Variants in WRN observed in about 807,000 individuals in gnomAD.
WRN encodes bifunctional 3'-5' exonuclease/ATP-dependent helicase WRN.
Under a neutral mutation model 180.7 loss-of-function variants are expected in WRN, and 149 were observed. That is an observed-to-expected ratio of 0.82 (90% CI 0.72 to 0.94). The LOEUF is 0.94. Among genes scored for constraint, WRN ranks in the 40% least tolerant of loss-of-function variants. WRN has a pLI of 0.00. For synonymous variants in WRN, 548 were observed against 568.9 expected (o/e 0.96, Z 0.52); for missense variants, 1,661 against 1,700.1 (o/e 0.98, Z 0.40).
intron 34 of WRN, among the ~76,000 whole-genome samples, chr8:31,168,744 A>G (rs1012825499): frequency 1.3e-5 from 2 of 152,150 alleles, no homozygotes; most frequent in Non-Finnish European, 2.9e-5. Context: ...ATATGTTAAC[A>G]TTCATCTTCT....
chr8:31,117,599 A>T (rs979007921), intron 20 of WRN, among the ~76,000 whole-genome samples: 1 of 152,124 alleles, frequency 6.6e-6, no homozygotes, highest in Non-Finnish European at 1.5e-5. Flanking sequence ...CACTGTAACT[A>T]TAAGTCCGAG....
intron 15 of WRN, among the ~76,000 whole-genome samples, chr8:31,091,566 T>C (rs1205068811): frequency 2.0e-5 from 3 of 152,046 alleles, no homozygotes; most frequent in Admixed American, 6.6e-5. Context: ...TTAGAAGGAA[T>C]AGGTTCTAGC....
intron 32 of WRN, among the ~76,000 whole-genome samples, chr8:31,155,987 A>G (rs1035781272): frequency 3.9e-5 from 6 of 152,240 alleles, no homozygotes; most frequent in African/African-American, 1.4e-4. Flanking sequence ...AGTTCCTTAC[A>G]AAGGCCATTG....
At chr8:31,117,467 A>C (rs2130310187) in intron 20 of WRN, among the ~76,000 whole-genome samples, 1 of 152,270 alleles carries the variant, frequency 6.6e-6, no homozygotes, top group East Asian at 1.9e-4. Context: ...TCTACAGTTG[A>C]GATTCCTGAC....
rs997643253 is a variant in WRN, at chr8:31,134,787, T to C, written c.2967+2281T>C. 2.6e-4 allele frequency among the ~76,000 whole-genome samples: 39 copies of C among 152,230 alleles called. 1 individual carries two copies. Among genetic ancestry groups the C allele is most frequent in the Non-Finnish European group, 7.3e-5 (5 of 68,042 alleles). On this transcript the variant is annotated intron_variant, in intron 24 of 34. Transcript: ENST00000298139. ...AAACTATTGGTAGTTTTAATCACTCTTGTAATTTTCAAACTATCTAACGGG... is the reference window on the plus strand; with the variant it reads ...AAACTATTGGTAGTTTTAATCACTCCTGTAATTTTCAAACTATCTAACGGG...
chr8:31,115,721 G>A (rs1232340934), intron 19 of WRN, among the ~76,000 whole-genome samples: 1 of 152,108 alleles, frequency 6.6e-6, no homozygotes, highest in Non-Finnish European at 1.5e-5. Flanking sequence ...ATATTCTGTG[G>A]AAATTGAACA....
chr8:31,041,536 A>G (rs928747093), intron 1 of WRN, among the ~76,000 whole-genome samples: 6 of 152,138 alleles, frequency 3.9e-5, no homozygotes, highest in African/African-American at 1.2e-4. Context: ...ATTAACCACC[A>G]CAGTAGAGTA....
At chr8:31,167,695 G>A (rs1326490427) in intron 34 of WRN, among the ~76,000 whole-genome samples, 4 of 152,084 alleles carry the variant, frequency 2.6e-5, no homozygotes, top group Middle Eastern at 3.4e-3. Flanking sequence ...TGAGCATTTC[G>A]TAGTGCTTTT....
At chr8:31,091,923 T>C (rs537151022) in intron 16 of WRN, 25 bp downstream of exon 16, 142 of 1,609,862 alleles carry the variant, frequency 8.8e-5, no homozygotes, top group Middle Eastern at 8.3e-4. Flanking sequence ...TCCCTCAACT[T>C]TTATTTTGGA....
chr8:31,089,237 A>G (rs922903203), intron 13 of WRN, among the ~76,000 whole-genome samples: 4 of 152,096 alleles, frequency 2.6e-5, no homozygotes, highest in African/African-American at 9.6e-5. Flanking sequence ...TTATAAATAA[A>G]TGTTAATTTA....
Position 31,085,201 on chromosome 8 carries a change from C to G in WRN, c.1386C>G (p.Ser462=). The change falls in exon 11 of 35, where the codon TCC becomes TCG. Residue 462 remains serine, a synonymous_variant. Transcript: ENST00000298139. ...CCAATGATAATGAAAACGATACGTC[C>G]TATGTAATTGAGAGTGATGAAGATT... ...LSPNDNENDT[S]YVIESDEDLE... is the part of the protein sequence containing the mutation. 6.2e-7 allele frequency: 1 copy of G among 1,612,422 alleles called. No individual in the cohort carries two copies. The highest frequency in any genetic ancestry group is 8.5e-7 in the Non-Finnish European group (1 of 1,179,284).
intron 7 of WRN, among the ~76,000 whole-genome samples, chr8:31,072,967 G>A (rs985323553): frequency 3.3e-5 from 5 of 152,168 alleles, no homozygotes; most frequent in Non-Finnish European, 7.3e-5. Context: ...AATGAAATGA[G>A]TGAGGGTAAG....
rs117173564 is a variant in WRN, at chr8:31,153,953, G to A, written c.3688-671G>A. 6.6e-3 allele frequency among the ~76,000 whole-genome samples: 1,000 copies of A among 152,002 alleles called. 8 individuals are homozygous for A. The highest frequency in any genetic ancestry group is 0.011 in the Non-Finnish European group (718 of 67,928). On this transcript the variant is annotated intron_variant, in intron 31 of 34. Coordinates refer to ENST00000298139, the MANE Select transcript of WRN (RefSeq NM_000553.6). ...AAATTATTAATTTCATCTGTTACAG[G>A]TTTTATTATGACTGTAGTATGCTGT...
intron 24 of WRN, among the ~76,000 whole-genome samples, chr8:31,135,391 C>T (rs1802360317): frequency 6.6e-6 from 1 of 151,866 alleles, no homozygotes; most frequent in African/African-American, 2.4e-5. Context: ...CTATTTTTTC[C>T]ACTAGTTATT....
intron 7 of WRN, among the ~76,000 whole-genome samples, chr8:31,069,576 T>G (rs1043049550): frequency 6.6e-6 from 1 of 152,248 alleles, no homozygotes; most frequent in Non-Finnish European, 1.5e-5. Context: ...TAAGGTATTA[T>G]AAGAAATCCG....
In WRN at chr8:31,157,750, CAG is replaced by C. The variant is rs1365893032; in HGVS notation, c.3982+223_3982+224del. ...TTTTGTTTTGTTTTGTTTTTTGAGA[CAG>C]AGTCTTGCTCTCTTGTCTAGGCTGG... On this transcript the variant is annotated intron_variant, in intron 33 of 34. Transcript: ENST00000298139. Among the ~76,000 whole-genome samples, 4 of 152,224 alleles carry C rather than the reference CAG, an allele frequency of 2.6e-5. No individual in the cohort carries two copies. In the East Asian group the frequency reaches 7.7e-4, roughly 29 times the overall value.
intron 1 of WRN, among the ~76,000 whole-genome samples, chr8:31,036,415 A>G (rs551858329): frequency 4.0e-4 from 61 of 152,312 alleles, no homozygotes; most frequent in Non-Finnish European, 7.6e-4. Context: ...TTGTAGTTCT[A>G]CATTTAATAT....
intron 1 of WRN, among the ~76,000 whole-genome samples, chr8:31,053,989 A>G (rs1585396816): frequency 6.6e-6 from 1 of 152,242 alleles, no homozygotes; most frequent in East Asian, 1.9e-4. Flanking sequence ...TGCACCCTTG[A>G]AATACATACA....
intron 33 of WRN, among the ~76,000 whole-genome samples, chr8:31,161,836 C>G (rs1357640137): frequency 1.2e-4 from 2 of 16,250 alleles, no homozygotes; most frequent in Admixed American, 2.3e-3. Flanking sequence ...GAGACTCTGT[C>G]TCAAAAAAAA....
Sources: allele counts gnomAD v4.1 joint callset (sites outside exome capture counted in the v4.1 genomes callset), GRCh38; gene constraint gnomAD v4.1.1; transcripts MANE v1.5; gene names NCBI Gene and HGNC (gene_info 2026-07-23, HGNC 2026-07-21).